MTMR8: variants seen among roughly 807,000 people sequenced by gnomAD.
MTMR8 encodes myotubularin related protein 8.
In MTMR8, 65 loss-of-function variants were observed where a neutral mutation model predicts 39.3. The ratio of observed to expected loss-of-function variants is 1.65; its 90% confidence interval spans 1.35 to 2.03. MTMR8 has a LOEUF of 2.03. Ranked by LOEUF, MTMR8 falls within the 30% of genes most tolerant of loss-of-function variation. The probability of loss-of-function intolerance (pLI) is 0.00; values close to 1 mark genes in which losing one functional copy is unlikely to be tolerated. For synonymous variants in MTMR8, 245 were observed against 185.2 expected (o/e 1.32, Z -2.62); for missense variants, 777 against 538.9 (o/e 1.44, Z -4.37).
At chrX:64,341,405 G>A (rs1405202050) in intron 8 of MTMR8, among the ~76,000 whole-genome samples, 1 of 105,645 alleles carries the variant, frequency 9.5e-6, no homozygotes, top group African/African-American at 3.5e-5. Flanking sequence ...CTTGAATCCG[G>A]TAGGCGGAGG....
chrX:64,338,750 G>T (rs943279137), intron 8 of MTMR8, among the ~76,000 whole-genome samples: 1 of 111,877 alleles, frequency 8.9e-6, no homozygotes, highest in African/African-American at 3.2e-5. Context: ...TACTAAAATC[G>T]TGGAAGTCCA....
Position 64,348,646 on chromosome X carries a change from T to G in MTMR8, c.732+14A>C. On this transcript the variant is annotated intron_variant, in intron 6 of 13. Transcript: ENST00000374852. ...GAGGCAGAAATATCAAAGAAATCACTGAGAAATAGATACCTTTGGTCTTGT... is the reference window on the plus strand; with the variant it reads ...GAGGCAGAAATATCAAAGAAATCACGGAGAAATAGATACCTTTGGTCTTGT... 8.3e-7 allele frequency: 1 copy of G among 1,208,555 alleles called. No individual in the cohort carries two copies. The highest frequency in any genetic ancestry group is 1.8e-5 in the South Asian group (1 of 56,664).
intron 6 of MTMR8, among the ~76,000 whole-genome samples, chrX:64,347,541 G>A (rs1236045734): frequency 1.8e-5 from 2 of 111,417 alleles, no homozygotes; most frequent in East Asian, 5.7e-4. Flanking sequence ...CACAAAGATG[G>A]GGCAGAAAGC....
intron 12 of MTMR8, among the ~76,000 whole-genome samples, chrX:64,313,978 G>T (rs1267239950): frequency 8.9e-6 from 1 of 112,112 alleles, no homozygotes; most frequent in Admixed American, 9.4e-5. Flanking sequence ...TGAGGACCTT[G>T]GGGTTTGATT....
chrX:64,289,599 T>C (rs1156252288), intron 12 of MTMR8, among the ~76,000 whole-genome samples: 2 of 87,814 alleles, frequency 2.3e-5, no homozygotes, highest in Non-Finnish European at 4.2e-5. Context: ...ACTGTGCCAC[T>C]GCATTCCAGC....
At chrX:64,374,065 G>A (rs1924196903) in intron 1 of MTMR8, among the ~76,000 whole-genome samples, 1 of 111,886 alleles carries the variant, frequency 8.9e-6, no homozygotes, top group African/African-American at 3.3e-5. Context: ...ACCAGATTCT[G>A]TGCTAAACCA....
intron 12 of MTMR8, among the ~76,000 whole-genome samples, chrX:64,308,418 C>G (rs755173937): frequency 4.8e-5 from 5 of 103,628 alleles, no homozygotes; most frequent in Non-Finnish European, 9.7e-5. Context: ...ATCCACTGGA[C>G]TCGGCCTCCC....
chrX:64,285,953 G>T (rs1274418189), intron 12 of MTMR8, among the ~76,000 whole-genome samples: 2 of 111,670 alleles, frequency 1.8e-5, no homozygotes, highest in African/African-American at 6.5e-5. Context: ...AAAGCTAGCA[G>T]AAGGCAAGAA....
intron 1 of MTMR8, among the ~76,000 whole-genome samples, chrX:64,380,549 T>G (rs1473728827): frequency 8.9e-6 from 1 of 112,657 alleles, no homozygotes; most frequent in Non-Finnish European, 1.9e-5. Flanking sequence ...AATAAAATTT[T>G]TATTTGAGAA....
At chrX:64,272,397 AGAG>A (rs1356968210) in intron 12 of MTMR8, among the ~76,000 whole-genome samples, 6 of 111,394 alleles carry the variant, frequency 5.4e-5, no homozygotes, top group African/African-American at 1.6e-4. Flanking sequence ...AGAATCCAAT[AGAG>A]GAGTTCAACG....
At chrX:64,376,338 A>C (rs1924266269) in intron 1 of MTMR8, among the ~76,000 whole-genome samples, 1 of 112,241 alleles carries the variant, frequency 8.9e-6, no homozygotes, top group African/African-American at 3.2e-5. Flanking sequence ...AGAGTTGTTG[A>C]ATGGTCGTGA....
intron 1 of MTMR8, among the ~76,000 whole-genome samples, chrX:64,359,783 T>C (rs1923728549): frequency 9.1e-6 from 1 of 110,423 alleles, no homozygotes; most frequent in African/African-American, 3.3e-5. Context: ...ATGAGGTACG[T>C]ATAACTGGAA....
Position 64,307,523 on chromosome X carries a change from T to G in MTMR8, c.1481+21249A>C, listed in dbSNP as rs1439634137. 3.6e-5 allele frequency among the ~76,000 whole-genome samples: 4 copies of G among 111,404 alleles called. No homozygotes were observed. In the East Asian group the frequency reaches 1.1e-3, roughly 31 times the overall value. The stretch of plus-strand genomic sequence containing the variant: ...TTAGGCGTATCTGTGCAGGTCGGCT[T>G]TTGGGTTCTCTATTCTCTTCTATTG... On this transcript the variant is annotated intron_variant, in intron 12 of 13. Transcript: ENST00000374852.
intron 12 of MTMR8, chrX:64,305,102 CT>C: frequency 4.7e-6 from 1 of 213,022 alleles, no homozygotes. Context: ...AATGTTCCAC[CT>C]TGAATTGCCT....
rs1170047627 is a variant in MTMR8, at chrX:64,348,539, T to C, written c.732+121A>G. On this transcript the variant is annotated intron_variant, in intron 6 of 13. Transcript: ENST00000374852. ...CTTCCTGAAATGATTTTACACAATG[T>C]CTGACATAATAAACACACATACACA... 7.9e-6 allele frequency: 7 copies of C among 885,559 alleles called. No homozygotes were observed. The South Asian group carries it at 1.6e-4, about 20-fold the overall frequency. 73.0% of individuals were successfully genotyped at this position (885,559 alleles called of 1,213,427 possible). A position where few individuals can be genotyped will look rare whatever the true frequency, so the allele number is the denominator to read the frequency against.
At chrX:64,388,692 A>C (rs1198018740) in intron 1 of MTMR8, among the ~76,000 whole-genome samples, 1 of 112,207 alleles carries the variant, frequency 8.9e-6, no homozygotes. Flanking sequence ...TGTTCTATGA[A>C]TCCTAGTTCC....
chrX:64,345,245 A>C, intron 6 of MTMR8, 68 bp from the exon 7 acceptor site: 6 of 1,073,363 alleles, frequency 5.6e-6, no homozygotes, highest in Non-Finnish European at 7.7e-6. Context: ...CATCAATCTC[A>C]ATGCCTCATT....
intron 12 of MTMR8, among the ~76,000 whole-genome samples, chrX:64,295,181 C>T (rs1921531746): frequency 9.1e-6 from 1 of 110,337 alleles, no homozygotes; most frequent in African/African-American, 3.3e-5. Flanking sequence ...CTAAAGGAAG[C>T]TATTACTTTG....
At chrX:64,357,040 T>C (rs766254903) in intron 2 of MTMR8, among the ~76,000 whole-genome samples, 2 of 112,372 alleles carry the variant, frequency 1.8e-5, no homozygotes, top group East Asian at 5.7e-4. Flanking sequence ...TGATTACTTC[T>C]GTTCATGCTG....
Sources: allele counts gnomAD v4.1 joint callset (sites outside exome capture counted in the v4.1 genomes callset), GRCh38; gene constraint gnomAD v4.1.1; transcripts MANE v1.5; gene names NCBI Gene and HGNC (gene_info 2026-07-23, HGNC 2026-07-21).